The following CSMD1 variants were observed in gnomAD, a reference collection of about 807,000 sequenced individuals.
The protein encoded by CSMD1 is CUB and Sushi multiple domains 1.
CSMD1 carries 213 observed loss-of-function variants against 417.5 expected under a neutral mutation model. The observed-to-expected ratio is 0.51, with a 90% CI of 0.46 to 0.57. CSMD1 has a LOEUF of 0.57. Ranked by LOEUF, CSMD1 falls within the 20% of genes least tolerant of loss-of-function variation. The pLI, the probability that CSMD1 is intolerant of heterozygous loss-of-function variation, is 0.00. For synonymous variants in CSMD1, 2,862 were observed against 1,736.8 expected, an observed-to-expected ratio of 1.65 and a Z score of -16.11; for missense variants, 6,923 against 4,529.7, an observed-to-expected ratio of 1.53 and a Z score of -15.17.
intron 3 of CSMD1, among the ~76,000 whole-genome samples, chr8:4,253,819 C>G (rs962457275): frequency 1.3e-5 from 2 of 150,774 alleles, no homozygotes; most frequent in African/African-American, 2.4e-5. Flanking sequence ...TAATCAACAC[C>G]ATTATTATCC....
chr8:3,476,045 A>C (rs1585220348), intron 11 of CSMD1, among the ~76,000 whole-genome samples: 1 of 152,224 alleles, frequency 6.6e-6, no homozygotes, highest in South Asian at 2.1e-4. Context: ...AATCTACGTG[A>C]AATACATGTG....
At chr8:4,355,677 A>G (rs1801387334) in intron 3 of CSMD1, among the ~76,000 whole-genome samples, 1 of 152,198 alleles carries the variant, frequency 6.6e-6, no homozygotes, top group South Asian at 2.1e-4. Flanking sequence ...TCCAAAGCCT[A>G]CAGAGTTTCC....
At chr8:3,287,337 A>G (rs1235701509) in intron 25 of CSMD1, among the ~76,000 whole-genome samples, 1 of 152,128 alleles carries the variant, frequency 6.6e-6, no homozygotes, top group African/African-American at 2.4e-5. Flanking sequence ...AATTCTGTGA[A>G]GAAAGTCATT....
intron 2 of CSMD1, among the ~76,000 whole-genome samples, chr8:4,581,678 C>T (rs954606714): frequency 1.3e-5 from 2 of 152,146 alleles, no homozygotes; most frequent in African/African-American, 4.8e-5. Flanking sequence ...TGTCTATGCT[C>T]CCAGTTGGGG....
At chr8:4,834,324 T>G (rs1271294671) in intron 1 of CSMD1, among the ~76,000 whole-genome samples, 1 of 152,104 alleles carries the variant, frequency 6.6e-6, no homozygotes, top group Non-Finnish European at 1.5e-5. Context: ...GAAAAACAGG[T>G]AAGATTTACT....
chr8:3,837,547 G>A (rs1049845934), intron 5 of CSMD1, among the ~76,000 whole-genome samples: 1 of 152,124 alleles, frequency 6.6e-6, no homozygotes, highest in African/African-American at 2.4e-5. Flanking sequence ...CAGCCCCCAA[G>A]ATAACATTAC....
intron 7 of CSMD1, among the ~76,000 whole-genome samples, chr8:3,649,043 G>A (rs182146317): frequency 1.3e-5 from 2 of 152,268 alleles, no homozygotes; most frequent in Admixed American, 1.3e-4. Context: ...TTCATCAATG[G>A]AAGAACAAGA....
At chr8:4,400,719 T>A (rs889933429) in intron 3 of CSMD1, among the ~76,000 whole-genome samples, 1 of 152,154 alleles carries the variant, frequency 6.6e-6, no homozygotes, top group Non-Finnish European at 1.5e-5. Context: ...AATGGACACT[T>A]TGTTTCTAAG....
At chr8:3,966,031 G>T (rs185195740) in intron 5 of CSMD1, among the ~76,000 whole-genome samples, 2 of 152,310 alleles carry the variant, frequency 1.3e-5, no homozygotes, top group East Asian at 3.9e-4. Flanking sequence ...AGAAGCAGAA[G>T]ACACTGGTGA....
At chr8:3,603,984 T>A (rs779188584) in intron 8 of CSMD1, among the ~76,000 whole-genome samples, 1 of 152,188 alleles carries the variant, frequency 6.6e-6, no homozygotes, top group Non-Finnish European at 1.5e-5. Flanking sequence ...AATGAAAATT[T>A]TGCATACTGA....
Position 3,217,777 on chromosome 8 carries a change from A to G in CSMD1, c.4672+1478T>C, listed in dbSNP as rs112394446. ...TGTGCAGATTCTGATGTTTGGGAGCAAAGAAACCAATTTTCTACTTAAAAC... is the reference window on the plus strand; with the variant it reads ...TGTGCAGATTCTGATGTTTGGGAGCGAAGAAACCAATTTTCTACTTAAAAC... On this transcript the variant is annotated intron_variant, in intron 29 of 69. Coordinates refer to ENST00000635120, the MANE Select transcript of CSMD1 (RefSeq NM_033225.6). 3.7e-3 allele frequency among the ~76,000 whole-genome samples: 559 copies of G among 152,296 alleles called. 3 individuals are homozygous for G. Among genetic ancestry groups the G allele is most frequent in the African/African-American group, 0.013 (551 of 41,570 alleles).
At position 4,960,516 on chromosome 8, in the gene CSMD1, T is replaced by C. The variant is rs148063346; in HGVS notation, c.85+33816A>G. 5.7e-3 allele frequency among the ~76,000 whole-genome samples: 867 copies of C among 152,296 alleles called. 9 individuals carry two copies. Among genetic ancestry groups the C allele is most frequent in the African/African-American group, 0.02 (820 of 41,584 alleles). On this transcript the variant is annotated intron_variant, in intron 1 of 69. Transcript: ENST00000635120. Reference sequence around the variant, plus strand: ...GTTTATGATTCTTCAAGGAACAAGATAGATGTAAAGTTAAGCGCTTGTACA... The same window carrying C: ...GTTTATGATTCTTCAAGGAACAAGACAGATGTAAAGTTAAGCGCTTGTACA...
chr8:3,558,128 C>A (rs1825179), intron 10 of CSMD1, among the ~76,000 whole-genome samples: 8 of 141,806 alleles, frequency 5.6e-5, no homozygotes, highest in African/African-American at 1.6e-4. Context: ...AATGGTACCC[C>A]GTGTCCACTC....
At chr8:4,787,027 G>C (rs78902719) in intron 1 of CSMD1, among the ~76,000 whole-genome samples, 22 of 152,200 alleles carry the variant, frequency 1.4e-4, no homozygotes, top group Non-Finnish European at 2.8e-4. Context: ...GAAGGAAGCA[G>C]ATAGAGCAGT....
At chr8:3,664,632 G>C (rs550987744) in intron 7 of CSMD1, among the ~76,000 whole-genome samples, 8 of 152,296 alleles carry the variant, frequency 5.3e-5, no homozygotes, top group Admixed American at 2.0e-4. Flanking sequence ...CATTTCAAAG[G>C]CTCCGCCAAG....
chr8:4,968,979 G>A (rs546570572), intron 1 of CSMD1, among the ~76,000 whole-genome samples: 68 of 152,214 alleles, frequency 4.5e-4, no homozygotes, highest in African/African-American at 1.4e-3. Context: ...CTGTGCTTTT[G>A]CACATAGGTT....
chr8:3,808,658 G>C (rs975748408), intron 5 of CSMD1, among the ~76,000 whole-genome samples: 1 of 152,128 alleles, frequency 6.6e-6, no homozygotes, highest in Non-Finnish European at 1.5e-5. Flanking sequence ...AAGGGACTTA[G>C]GTCTTGTTTG....
At chr8:3,800,222 G>C (rs1196036497) in intron 5 of CSMD1, among the ~76,000 whole-genome samples, 1 of 152,074 alleles carries the variant, frequency 6.6e-6, no homozygotes, top group East Asian at 1.9e-4. Flanking sequence ...CAAACTTATT[G>C]ATGATGATAC....
intron 56 of CSMD1, 107 bp downstream of exon 56, chr8:2,974,344 T>A: frequency 1.8e-6 from 2 of 1,087,686 alleles, no homozygotes; most frequent in Non-Finnish European, 2.5e-6. Flanking sequence ...AATAAATGCA[T>A]AATTATAGGG....
Sources: gnomAD v4.1 joint callset for allele counts (sites outside exome capture counted in the v4.1 genomes callset) on GRCh38, gnomAD v4.1.1 for gene constraint, MANE v1.5 for transcripts, NCBI Gene and HGNC (gene_info 2026-07-23, HGNC 2026-07-21) for gene names.